Variants in VTI1A observed in about 807,000 individuals in gnomAD.
The protein encoded by VTI1A is vesicle transport through interaction with t-SNAREs 1A.
VTI1A carries 22 observed loss-of-function variants against 34.9 expected under a neutral mutation model. The ratio of observed to expected loss-of-function variants is 0.63; its 90% CI spans 0.45 to 0.90. The LOEUF (loss-of-function observed/expected upper bound fraction) is 0.90, where lower values mean the gene tolerates loss of function less well. Ranked by LOEUF, VTI1A falls within the 40% of genes least tolerant of loss-of-function variation. The pLI is 0.00. For missense variants in VTI1A, 268 were observed against 275.6 expected, an observed-to-expected ratio of 0.97 and a Z score of 0.20; for synonymous variants, 87 against 97.3, an observed-to-expected ratio of 0.89 and a Z score of 0.62.
At chr10:112,541,574 A>G (rs1465434769) in intron 5 of VTI1A, among the ~76,000 whole-genome samples, 1 of 152,220 alleles carries the variant, frequency 6.6e-6, no homozygotes, top group Admixed American at 6.5e-5. Context: ...GGCAAATACT[A>G]TAAAAGAAAG....
chr10:112,700,712 T>C (rs1209443378), intron 7 of VTI1A, among the ~76,000 whole-genome samples: 1 of 152,242 alleles, frequency 6.6e-6, no homozygotes, highest in Non-Finnish European at 1.5e-5. Flanking sequence ...ATGAAGTATA[T>C]TCTTCCCCTA....
intron 7 of VTI1A, among the ~76,000 whole-genome samples, chr10:112,781,897 C>G (rs1852141774): frequency 6.6e-6 from 1 of 152,140 alleles, no homozygotes; most frequent in East Asian, 1.9e-4. Flanking sequence ...CACTGTGGTC[C>G]GAGGCTCTTC....
At chr10:112,733,264 A>G (rs906911651) in intron 7 of VTI1A, among the ~76,000 whole-genome samples, 1 of 152,122 alleles carries the variant, frequency 6.6e-6, no homozygotes, top group South Asian at 2.1e-4. Flanking sequence ...TTCATATGAA[A>G]TTAACCATTT....
intron 5 of VTI1A, among the ~76,000 whole-genome samples, chr10:112,667,120 T>C (rs1847670253): frequency 6.6e-6 from 1 of 152,124 alleles, no homozygotes; most frequent in African/African-American, 2.4e-5. Context: ...GCCAAATAAC[T>C]ACCATGGTGA....
At chr10:112,642,536 T>C (rs1170087571) in intron 5 of VTI1A, among the ~76,000 whole-genome samples, 1 of 152,084 alleles carries the variant, frequency 6.6e-6, no homozygotes, top group Non-Finnish European at 1.5e-5. Flanking sequence ...ATTTGGGGGC[T>C]TAAAAAATGT....
At chr10:112,596,549 G>A (rs1844655263) in intron 5 of VTI1A, among the ~76,000 whole-genome samples, 2 of 152,132 alleles carry the variant, frequency 1.3e-5, no homozygotes, top group South Asian at 4.1e-4. Flanking sequence ...CTATTTCTTA[G>A]TGATAAATTT....
intron 5 of VTI1A, among the ~76,000 whole-genome samples, chr10:112,651,992 A>G (rs1847042085): frequency 1.3e-5 from 2 of 152,046 alleles, no homozygotes; most frequent in African/African-American, 2.4e-5. Context: ...AATTGTCATG[A>G]CTCCTAACAG....
At chr10:112,716,098 G>GATGGATCTGAGGAAGAAGGC (rs1849603207) in intron 7 of VTI1A, among the ~76,000 whole-genome samples, 1 of 152,186 alleles carries the variant, frequency 6.6e-6, no homozygotes, top group South Asian at 2.1e-4. Context: ...GCACAGAAGG[G>GATGGATCTGAGGAAGAAGGC]ATGGATCTGA....
intron 7 of VTI1A, among the ~76,000 whole-genome samples, chr10:112,696,262 CCTGA>C (rs1341925954): frequency 1.3e-5 from 2 of 152,134 alleles, no homozygotes; most frequent in East Asian, 1.9e-4. Flanking sequence ...GTGAAATTGA[CCTGA>C]CTAACAGTTC....
intron 5 of VTI1A, among the ~76,000 whole-genome samples, chr10:112,640,834 G>A (rs964461042): frequency 3.3e-5 from 5 of 152,082 alleles, no homozygotes; most frequent in Admixed American, 2.0e-4. Flanking sequence ...GAGGGTAGTC[G>A]AATGCAAAAT....
chr10:112,591,004 G>C (rs1331123910), intron 5 of VTI1A, among the ~76,000 whole-genome samples: 1 of 152,174 alleles, frequency 6.6e-6, no homozygotes, highest in African/African-American at 2.4e-5. Context: ...CGGAGGCTTA[G>C]GCAAGAGAAT....
chr10:112,688,582 C>T (rs927391140), intron 7 of VTI1A, among the ~76,000 whole-genome samples: 1 of 142,448 alleles, frequency 7.0e-6, no homozygotes, highest in African/African-American at 2.6e-5. Flanking sequence ...AGTGCAGTGG[C>T]GCAATCTTGG....
intron 5 of VTI1A, among the ~76,000 whole-genome samples, chr10:112,665,494 A>G (rs1847611950): frequency 6.6e-6 from 1 of 152,210 alleles, no homozygotes; most frequent in Non-Finnish European, 1.5e-5. Context: ...ACCGGGATGC[A>G]TACGCTCTTG....
intron 5 of VTI1A, among the ~76,000 whole-genome samples, chr10:112,571,531 G>A (rs745395122): frequency 1.4e-4 from 22 of 152,260 alleles, no homozygotes; most frequent in Middle Eastern, 3.4e-3. Context: ...CTTATACACC[G>A]TTGGTGGGAA....
chr10:112,605,106 CA>C lies in VTI1A; in HGVS notation c.428-63109del, dbSNP rs376248753. On this transcript the variant is annotated intron_variant, in intron 5 of 7. Coordinates refer to ENST00000393077, the MANE Select transcript of VTI1A (RefSeq NM_145206.4). ...ATGTCCCTGACCCTGACAACGTAGC[CA>C]AACCAGACTTTCCATCCTGATCTTC... Among the ~76,000 whole-genome samples, 46 of 152,216 alleles carry C rather than the reference CA, an allele frequency of 3.0e-4. No individual in the cohort carries two copies. In the East Asian group the frequency reaches 8.5e-3, roughly 28 times the overall value.
intron 7 of VTI1A, among the ~76,000 whole-genome samples, chr10:112,762,079 C>T (rs1046655754): frequency 5.9e-5 from 9 of 152,112 alleles, no homozygotes; most frequent in Non-Finnish European, 8.8e-5. Flanking sequence ...TAAAATCTCT[C>T]TTAAATAAAA....
intron 3 of VTI1A, among the ~76,000 whole-genome samples, chr10:112,510,701 A>G (rs1321978860): frequency 1.3e-5 from 2 of 152,172 alleles, no homozygotes; most frequent in African/African-American, 4.8e-5. Flanking sequence ...AAAAGAATTC[A>G]TACTTCATTG....
intron 7 of VTI1A, among the ~76,000 whole-genome samples, chr10:112,710,745 A>G (rs7919503): frequency 0.18 from 27,744 of 151,972 alleles, 5,216 homozygotes; most frequent in African/African-American, 0.47. Flanking sequence ...TATCTGCCTT[A>G]GCTCTGAAGA....
At chr10:112,804,968 C>T (rs1193938682) in intron 7 of VTI1A, among the ~76,000 whole-genome samples, 1 of 149,842 alleles carries the variant, frequency 6.7e-6, no homozygotes, top group Non-Finnish European at 1.5e-5. Context: ...TTAAGCAATC[C>T]TCCCGTCTCA....
Sources: gnomAD v4.1 joint callset for allele counts (sites outside exome capture counted in the v4.1 genomes callset) on GRCh38, gnomAD v4.1.1 for gene constraint, MANE v1.5 for transcripts, NCBI Gene and HGNC (gene_info 2026-07-23, HGNC 2026-07-21) for gene names.